The following IGF1R variants were observed in gnomAD, a reference collection of about 807,000 sequenced individuals.
IGF1R encodes the protein insulin like growth factor 1 receptor.
Under a neutral mutation model 144.6 loss-of-function variants are expected in IGF1R, and 44 were observed. The observed-to-expected ratio is 0.30, with a 90% confidence interval of 0.24 to 0.39. The LOEUF (loss-of-function observed/expected upper bound fraction) is 0.39, where lower values mean the gene tolerates loss of function less well. Ranked by LOEUF, IGF1R falls within the 10% of genes least tolerant of loss-of-function variation. The pLI is 1.00. For missense variants in IGF1R, 1,355 were observed against 1,833.7 expected (o/e 0.74, Z 4.77); for synonymous variants, 795 against 722.8 (o/e 1.10, Z -1.60).
chr15:98,760,280 A>G (rs2055260753), intron 2 of IGF1R, among the ~76,000 whole-genome samples: 1 of 151,998 alleles, frequency 6.6e-6, no homozygotes, highest in South Asian at 2.1e-4. Flanking sequence ...TGAACCTGGG[A>G]TGCGGAGGTC....
chr15:98,686,596 A>G (rs2141223622), intron 1 of IGF1R, among the ~76,000 whole-genome samples: 1 of 152,016 alleles, frequency 6.6e-6, no homozygotes, highest in Non-Finnish European at 1.5e-5. Flanking sequence ...ATCCATTCTA[A>G]TGGATGTGAG....
At chr15:98,923,240 G>A (rs1435257458) in intron 11 of IGF1R, among the ~76,000 whole-genome samples, 2 of 152,274 alleles carry the variant, frequency 1.3e-5, no homozygotes, top group African/African-American at 4.8e-5. Flanking sequence ...AAGCAAGAAA[G>A]GAACCACTGC....
chr15:98,823,054 T>C (rs2056830785), intron 2 of IGF1R, among the ~76,000 whole-genome samples: 2 of 152,328 alleles, frequency 1.3e-5, no homozygotes, highest in African/African-American at 4.8e-5. Flanking sequence ...TTGCTTTTCT[T>C]CCCGTTCCCC....
In IGF1R at chr15:98,957,349, C is replaced by T. The variant is rs201864381; in HGVS notation, c.4011C>T (p.Arg1337=). The T allele has an allele frequency of 7.1e-5, 115 of 1,612,102 alleles. No individual in the cohort carries two copies. The highest frequency in any genetic ancestry group is 1.3e-4 in the African/African-American group (10 of 75,040). The change falls in exon 21 of 21, where the codon CGC becomes CGT. Residue 1337 remains arginine (R), a synonymous_variant. Transcript: ENST00000650285. ...NGPGPGVLVL[R]ASFDERQPYA... ...CCGGCCCTGGGGTGCTGGTCCTCCG[C>T]GCCAGCTTCGACGAGAGACAGCCTT...
chr15:98,696,384 A>G (rs952061415), intron 1 of IGF1R, among the ~76,000 whole-genome samples: 1 of 152,220 alleles, frequency 6.6e-6, no homozygotes, highest in African/African-American at 2.4e-5. Flanking sequence ...TCTGTTCATT[A>G]ATCAGCACTT....
chr15:98,733,016 A>G (rs2054528564), intron 2 of IGF1R, among the ~76,000 whole-genome samples: 1 of 152,114 alleles, frequency 6.6e-6, no homozygotes, highest in Non-Finnish European at 1.5e-5. Flanking sequence ...TTTTTCAAGG[A>G]TACATGTTTG....
At chr15:98,815,730 G>C (rs975405618) in intron 2 of IGF1R, among the ~76,000 whole-genome samples, 3 of 152,130 alleles carry the variant, frequency 2.0e-5, no homozygotes, top group African/African-American at 7.2e-5. Flanking sequence ...GAAATGCAGA[G>C]AAATTCAGAG....
chr15:98,866,213 A>G (rs1476765488), intron 2 of IGF1R, among the ~76,000 whole-genome samples: 1 of 152,192 alleles, frequency 6.6e-6, no homozygotes, highest in Admixed American at 6.5e-5. Context: ...TGCCGTCCAC[A>G]GGAAGACGCC....
intron 2 of IGF1R, among the ~76,000 whole-genome samples, chr15:98,782,036 C>T (rs1006642537): frequency 6.6e-6 from 1 of 152,062 alleles, no homozygotes; most frequent in African/African-American, 2.4e-5. Flanking sequence ...CTGTGTTGCC[C>T]TGTCTGCTTG....
chr15:98,917,825 A>G (rs931534319), intron 10 of IGF1R, among the ~76,000 whole-genome samples: 1 of 152,148 alleles, frequency 6.6e-6, no homozygotes, highest in African/African-American at 2.4e-5. Flanking sequence ...TTACCAGGGG[A>G]TGGGGATAGA....
intron 11 of IGF1R, 84 bp downstream of exon 11, chr15:98,922,515 A>C: frequency 6.6e-7 from 1 of 1,514,768 alleles, no homozygotes; most frequent in Non-Finnish European, 9.0e-7. Flanking sequence ...AGGGTCTGAC[A>C]CCCAGGGCCA....
intron 1 of IGF1R, among the ~76,000 whole-genome samples, chr15:98,689,611 A>G (rs2053425935): frequency 1.3e-5 from 2 of 152,154 alleles, no homozygotes; most frequent in Non-Finnish European, 2.9e-5. Flanking sequence ...GTATTAATCT[A>G]AAGTATTAGA....
At chr15:98,920,522 A>C (rs980606866) in intron 10 of IGF1R, among the ~76,000 whole-genome samples, 1 of 152,240 alleles carries the variant, frequency 6.6e-6, no homozygotes, top group Non-Finnish European at 1.5e-5. Flanking sequence ...TTGGTTTTGA[A>C]GGTAGGCAGG....
intron 2 of IGF1R, among the ~76,000 whole-genome samples, chr15:98,804,339 G>C (rs2056426444): frequency 6.6e-6 from 1 of 152,208 alleles, no homozygotes; most frequent in African/African-American, 2.4e-5. Flanking sequence ...ATTTTGCAAG[G>C]TAATCTTCCA....
At chr15:98,801,115 G>A (rs2056353421) in intron 2 of IGF1R, among the ~76,000 whole-genome samples, 1 of 152,112 alleles carries the variant, frequency 6.6e-6, no homozygotes, top group African/African-American at 2.4e-5. Context: ...CTCCCTCCCA[G>A]CACCACTTAA....
In IGF1R at chr15:98,650,125, C is replaced by G. The variant is rs530064580; in HGVS notation, c.94+450C>G. On this transcript the variant is annotated intron_variant, in intron 1 of 20. Coordinates refer to ENST00000650285, the MANE Select transcript of IGF1R (RefSeq NM_000875.5). ...AGCACCCTGGGCCGCACCGCGTCTC[C>G]GCTGCTGGGGCTGACCGGGCAGTGG... Among the ~76,000 whole-genome samples, 824 of 152,280 alleles carry G rather than the reference C, an allele frequency of 5.4e-3. 13 individuals carry two copies. The highest frequency in any genetic ancestry group is 0.019 in the African/African-American group (792 of 41,568).
intron 1 of IGF1R, among the ~76,000 whole-genome samples, chr15:98,650,281 TTGCCCCTCG>T (rs950131548): frequency 1.3e-5 from 2 of 152,166 alleles, no homozygotes; most frequent in Non-Finnish European, 2.9e-5. Context: ...CAACGTGCTT[TTGCCCCTCG>T]GGCTCCTCGG....
rs2052943429 is a variant in IGF1R, at chr15:98,673,199, C to A, written c.94+23524C>A. Among the ~76,000 whole-genome samples, 3 of 152,216 alleles carry A rather than the reference C, an allele frequency of 2.0e-5. No individual in the cohort carries two copies. In the South Asian group the frequency reaches 6.2e-4, roughly 32 times the overall value. On this transcript the variant is annotated intron_variant, in intron 1 of 20. Transcript: ENST00000650285. ...TATTGTAGGGTCCTTTTGGACCACA[C>A]ATGGTTTTATACTCTGTAGCTGATT...
intron 19 of IGF1R, among the ~76,000 whole-genome samples, chr15:98,943,409 G>A (rs1161354461): frequency 6.6e-6 from 1 of 152,118 alleles, no homozygotes; most frequent in Non-Finnish European, 1.5e-5. Context: ...AACAGATACT[G>A]TCTGTGTGTC....
Sources: gnomAD v4.1 joint callset for allele counts (sites outside exome capture counted in the v4.1 genomes callset) on GRCh38, gnomAD v4.1.1 for gene constraint, MANE v1.5 for transcripts, NCBI Gene and HGNC (gene_info 2026-07-23, HGNC 2026-07-21) for gene names.